The following DENND1A variants were observed in gnomAD, a reference collection of about 807,000 sequenced individuals.
DENND1A encodes DENN domain containing 1A, also known as DENN domain-containing protein 1A.
Under a neutral mutation model 113.7 loss-of-function variants are expected in DENND1A, and 51 were observed. The observed-to-expected ratio is 0.45, with a 90% CI of 0.36 to 0.57. The LOEUF (loss-of-function observed/expected upper bound fraction) is 0.57. DENND1A is among the 20% of genes least tolerant of loss of function. The probability of loss-of-function intolerance (pLI) is 0.00; values close to 1 mark genes in which losing one functional copy is unlikely to be tolerated. For missense variants in DENND1A, 1,258 were observed against 1,395.9 expected, an observed-to-expected ratio of 0.90 and a Z score of 1.57; for synonymous variants, 565 against 570.8, an observed-to-expected ratio of 0.99 and a Z score of 0.14.
rs560858598 is a variant in DENND1A at position 123,427,648 on chromosome 9, T to C, written c.1488+12712A>G. On this transcript the variant is annotated intron_variant, in intron 19 of 23. Coordinates refer to ENST00000394215, the MANE Select transcript of DENND1A (RefSeq NM_001352964.2). ...GCTGTGAGACAAGTGGACAAAGAGC[T>C]GAGACAGTGTCTCCTGTTTGGCTTC... is the stretch of plus-strand genomic sequence containing the variant. Among the ~76,000 whole-genome samples the C allele has an allele frequency of 7.2e-5, 11 of 152,362 alleles. No homozygotes were observed. The South Asian group carries it at 1.7e-3, about 23-fold the overall frequency.
intron 13 of DENND1A, among the ~76,000 whole-genome samples, chr9:123,494,020 T>C (rs1023322545): frequency 1.3e-5 from 2 of 151,944 alleles, no homozygotes; most frequent in Non-Finnish European, 2.9e-5. Flanking sequence ...AAAACAGGGG[T>C]CTGGGCAAGT....
intron 11 of DENND1A, among the ~76,000 whole-genome samples, chr9:123,592,366 G>T (rs1389703224): frequency 6.6e-6 from 1 of 152,078 alleles, no homozygotes; most frequent in East Asian, 1.9e-4. Context: ...GCATTCTCTG[G>T]AGCCAGACTG....
intron 10 of DENND1A, among the ~76,000 whole-genome samples, chr9:123,618,117 A>C (rs1211780629): frequency 6.6e-6 from 1 of 152,176 alleles, no homozygotes; most frequent in East Asian, 1.9e-4. Context: ...GCCTATCACT[A>C]TGCTGGTGCT....
intron 1 of DENND1A, among the ~76,000 whole-genome samples, chr9:123,902,100 C>T (rs745963592): frequency 1.3e-5 from 2 of 151,566 alleles, no homozygotes; most frequent in African/African-American, 2.4e-5. Flanking sequence ...TCTATAATAA[C>T]AGGTTCATTT....
At chr9:123,439,776 T>G (rs563668982) in intron 19 of DENND1A, 26 of 152,224 alleles carry the variant, frequency 1.7e-4, no homozygotes, top group African/African-American at 6.0e-4. Flanking sequence ...ATACAAAATT[T>G]TAGTTTCTAT....
At chr9:123,503,364 C>T (rs2052653580) in intron 13 of DENND1A, among the ~76,000 whole-genome samples, 1 of 152,170 alleles carries the variant, frequency 6.6e-6, no homozygotes, top group Non-Finnish European at 1.5e-5. Context: ...CAGCCCCTGG[C>T]ACTGGTATGC....
chr9:123,483,574 G>A (rs954569414), intron 13 of DENND1A, among the ~76,000 whole-genome samples: 2 of 152,260 alleles, frequency 1.3e-5, no homozygotes, highest in African/African-American at 4.8e-5. Flanking sequence ...CACACACCAA[G>A]TCTGCCAGGG....
chr9:123,596,011 T>C (rs1184865561), intron 11 of DENND1A, among the ~76,000 whole-genome samples: 1 of 152,106 alleles, frequency 6.6e-6, no homozygotes, highest in Admixed American at 6.5e-5. Context: ...AGTTTCCTCA[T>C]GTGTAAAAAG....
intron 13 of DENND1A, among the ~76,000 whole-genome samples, chr9:123,553,523 G>C (rs1213436632): frequency 6.6e-6 from 1 of 152,072 alleles, no homozygotes; most frequent in African/African-American, 2.4e-5. Context: ...TTTTTATGTG[G>C]TGTGGAAAAT....
intron 13 of DENND1A, among the ~76,000 whole-genome samples, chr9:123,551,564 G>A (rs538968286): frequency 1.3e-5 from 2 of 152,310 alleles, no homozygotes; most frequent in East Asian, 1.9e-4. Context: ...TCCATCCCCT[G>A]TGTGTAAAGG....
chr9:123,894,232 C>G lies in DENND1A; in HGVS notation c.18-15211G>C, dbSNP rs372493753. On this transcript the variant is annotated intron_variant, in intron 1 of 23. Coordinates refer to ENST00000394215, the MANE Select transcript of DENND1A (RefSeq NM_001352964.2). ...AGAGATGAGTAAGTGACTCATGATTCACATTAAAACTTCTTTTTCCTCCAG... is the reference window on the plus strand; with the variant it reads ...AGAGATGAGTAAGTGACTCATGATTGACATTAAAACTTCTTTTTCCTCCAG... 2.1e-4 allele frequency among the ~76,000 whole-genome samples: 32 copies of G among 152,272 alleles called. No homozygotes were observed. In the East Asian group the frequency reaches 2.5e-3, roughly 12 times the overall value.
chr9:123,523,762 T>C (rs961508296), intron 13 of DENND1A, among the ~76,000 whole-genome samples: 4 of 152,218 alleles, frequency 2.6e-5, no homozygotes, highest in African/African-American at 9.6e-5. Context: ...GGTCAGGCTT[T>C]AGAATCAACT....
intron 3 of DENND1A, among the ~76,000 whole-genome samples, chr9:123,786,050 T>C (rs986856149): frequency 6.6e-6 from 1 of 151,936 alleles, no homozygotes; most frequent in Non-Finnish European, 1.5e-5. Context: ...CCATCTCTAC[T>C]AAAAACACAA....
intron 13 of DENND1A, among the ~76,000 whole-genome samples, chr9:123,526,074 C>T (rs559069738): frequency 6.6e-6 from 1 of 152,166 alleles, no homozygotes; most frequent in African/African-American, 2.4e-5. Context: ...ATTCTTTATT[C>T]AAACCTTCTC....
At chr9:123,860,366 G>A (rs1319550964) in intron 2 of DENND1A, among the ~76,000 whole-genome samples, 8 of 152,092 alleles carry the variant, frequency 5.3e-5, no homozygotes, top group African/African-American at 1.9e-4. Context: ...TTCGTTCATT[G>A]TTTGTTTTTA....
At chr9:123,594,956 T>C (rs1056178858) in intron 11 of DENND1A, among the ~76,000 whole-genome samples, 2 of 152,128 alleles carry the variant, frequency 1.3e-5, no homozygotes, top group Non-Finnish European at 2.9e-5. Flanking sequence ...CCTCCTGAAA[T>C]CTCAGATACA....
intron 2 of DENND1A, among the ~76,000 whole-genome samples, chr9:123,854,727 G>A (rs1843902730): frequency 6.7e-6 from 1 of 148,642 alleles, no homozygotes; most frequent in African/African-American, 2.6e-5. Flanking sequence ...TAAGTAAAAT[G>A]AAATAAAAAA....
At chr9:123,538,821 T>TC (rs2056036973) in intron 13 of DENND1A, among the ~76,000 whole-genome samples, 3 of 77,832 alleles carry the variant, frequency 3.9e-5, no homozygotes, top group Admixed American at 1.3e-4. Context: ...TATATATATA[T>TC]ATATATATAT....
chr9:123,856,066 G>A (rs1282639993), intron 2 of DENND1A, among the ~76,000 whole-genome samples: 1 of 152,094 alleles, frequency 6.6e-6, no homozygotes, highest in East Asian at 1.9e-4. Flanking sequence ...TTAAGTGGCA[G>A]TAATCCAAGA....
Sources: gnomAD v4.1 joint callset for allele counts (sites outside exome capture counted in the v4.1 genomes callset) on GRCh38, gnomAD v4.1.1 for gene constraint, MANE v1.5 for transcripts, NCBI Gene and HGNC (gene_info 2026-07-23, HGNC 2026-07-21) for gene names.